The following ZDHHC5 variants were observed in gnomAD, a reference collection of about 807,000 sequenced individuals.
ZDHHC5 encodes palmitoyltransferase ZDHHC5.
In ZDHHC5, 22 loss-of-function variants were observed where a neutral mutation model predicts 70.0. The ratio of observed to expected loss-of-function variants is 0.31; its 90% CI spans 0.22 to 0.45. The LOEUF is 0.45. ZDHHC5 is among the 20% of genes least tolerant of loss of function. The probability of loss-of-function intolerance (pLI) is 1.00; values close to 1 mark genes in which losing one functional copy is unlikely to be tolerated. For synonymous variants in ZDHHC5, 313 were observed against 347.8 expected (o/e 0.90, Z 1.11); for missense variants, 746 against 926.9 (o/e 0.80, Z 2.53).
At chr11:57,675,798 G>C (rs755729118) in intron 2 of ZDHHC5, among the ~76,000 whole-genome samples, 2 of 152,212 alleles carry the variant, frequency 1.3e-5, no homozygotes, top group South Asian at 4.1e-4. Flanking sequence ...AGGCACCACT[G>C]TTCTTAAAAA....
intron 9 of ZDHHC5, 31 bp downstream of exon 9, chr11:57,696,074 G>C (rs780651593): frequency 1.9e-6 from 3 of 1,597,598 alleles, no homozygotes; most frequent in Non-Finnish European, 2.6e-6. Flanking sequence ...CAAGATACTA[G>C]AACTAGGGGC....
intron 6 of ZDHHC5, among the ~76,000 whole-genome samples, chr11:57,691,462 G>T (rs1160163504): frequency 6.6e-6 from 1 of 152,086 alleles, no homozygotes; most frequent in Non-Finnish European, 1.5e-5. Flanking sequence ...CTCCCAAAGT[G>T]CAGGGATTAC....
At position 57,680,523 on chromosome 11, in the gene ZDHHC5, G is replaced by A. The variant is rs118158354; in HGVS notation, c.105-1899G>A. Among the ~76,000 whole-genome samples, 191 of 152,320 alleles carry A rather than the reference G, an allele frequency of 1.3e-3. 3 individuals carry two copies. In the East Asian group the frequency reaches 0.034, roughly 27 times the overall value. ...TTTCAGAAGCTCAAGAGGCCACAGT[G>A]GCCAGTTGTAGGAATGAGACTTTTA... On this transcript the variant is annotated intron_variant, in intron 2 of 11. Coordinates refer to ENST00000287169, the MANE Select transcript of ZDHHC5 (RefSeq NM_015457.3).
chr11:57,699,451 A>G (rs1946411145), intron 11 of ZDHHC5, 33 bp downstream of exon 11: 1 of 1,519,666 alleles, frequency 6.6e-7, no homozygotes, highest in Admixed American at 2.2e-5. Context: ...CCCTTAGCCA[A>G]TTTCAAATTA....
Position 57,690,222 on chromosome 11 carries a change from T to C in ZDHHC5, c.557+19T>C. On this transcript the variant is annotated intron_variant, in intron 5 of 11. Transcript: ENST00000287169. ...CTGTCACGTATCCTTCAAGGCCTTT[T>C]AGATTGTGGGATTGGAAGGGGGAGG... is the stretch of plus-strand genomic sequence containing the variant. 6.2e-7 allele frequency: 1 copy of C among 1,613,254 alleles called. No homozygotes were observed. The highest frequency in any genetic ancestry group is 8.5e-7 in the Non-Finnish European group (1 of 1,179,358).
intron 4 of ZDHHC5, among the ~76,000 whole-genome samples, chr11:57,689,716 T>G (rs574996780): frequency 4.7e-4 from 71 of 149,868 alleles, no homozygotes; most frequent in African/African-American, 1.6e-3. Flanking sequence ...GGGGTCTTGC[T>G]ATGTTGCCCA....
intron 2 of ZDHHC5, among the ~76,000 whole-genome samples, chr11:57,678,716 A>G (rs1006950539): frequency 6.6e-6 from 1 of 152,080 alleles, no homozygotes; most frequent in African/African-American, 2.4e-5. Context: ...TGTCTCTACA[A>G]AAAATAAGCA....
chr11:57,677,107 G>C (rs1426033499), intron 2 of ZDHHC5, among the ~76,000 whole-genome samples: 1 of 150,938 alleles, frequency 6.6e-6, no homozygotes, highest in African/African-American at 2.4e-5. Flanking sequence ...ATTTTTAGTA[G>C]AGAAGGGGTT....
intron 3 of ZDHHC5, among the ~76,000 whole-genome samples, chr11:57,684,890 TA>T (rs762038239): frequency 6.6e-6 from 1 of 152,046 alleles, no homozygotes; most frequent in East Asian, 1.9e-4. Flanking sequence ...GCTCACATCT[TA>T]ATCCCAGCAC....
intron 10 of ZDHHC5, among the ~76,000 whole-genome samples, chr11:57,697,155 C>T (rs1403987513): frequency 6.6e-6 from 1 of 151,542 alleles, no homozygotes; most frequent in African/African-American, 2.4e-5. Flanking sequence ...GTGGTGAAAC[C>T]CCATCTCTAC....
chr11:57,671,638 A>G (rs976728757), intron 1 of ZDHHC5, among the ~76,000 whole-genome samples: 1 of 152,232 alleles, frequency 6.6e-6, no homozygotes, highest in Non-Finnish European at 1.5e-5. Context: ...CACTATAACA[A>G]TAAACACTCT....
At position 57,672,075 on chromosome 11, in the gene ZDHHC5, AAGAT is replaced by A. The variant is rs569612428; in HGVS notation, c.-1014_-1011del. The A allele has an allele frequency of 4.4e-4, 174 of 393,230 alleles. No individual in the cohort carries two copies. Among genetic ancestry groups the A allele is most frequent in the Non-Finnish European group, 6.8e-4 (151 of 223,302 alleles). The allele number at this position is 393,230 out of a possible 1,614,324, so 24.4% of individuals were successfully genotyped here. A position where few individuals can be genotyped will look rare whatever the true frequency, so the allele number is the denominator to read the frequency against. On this transcript the variant is annotated 5_prime_UTR_variant, in exon 2 of 12. Coordinates refer to ENST00000287169, the MANE Select transcript of ZDHHC5 (RefSeq NM_015457.3). ...CATCTGGAAAGCTGAAGACTGAAGA[AAGAT>A]AAGAGACATTGACTAGTCTGGAAAC...
intron 2 of ZDHHC5, among the ~76,000 whole-genome samples, chr11:57,678,246 T>G (rs1037766484): frequency 2.0e-5 from 3 of 152,176 alleles, no homozygotes; most frequent in Non-Finnish European, 2.9e-5. Flanking sequence ...ATGATGGTGA[T>G]AGTTAATAAT....
Position 57,695,928 on chromosome 11 carries a change from A to G in ZDHHC5, c.894A>G (p.Gly298=). 6.2e-7 allele frequency: 1 copy of G among 1,613,744 alleles called. No individual in the cohort carries two copies. The highest frequency in any genetic ancestry group is 1.1e-5 in the South Asian group (1 of 90,998). ...QGELRRTKSK[G]SLEITESQSA... is the part of the protein sequence containing the mutation. Reference sequence around the variant, plus strand: ...TCCCTTCATCAATCCAGTCTAAGGGAAGCCTGGAGATAACAGAGAGCCAGT... The same window carrying G: ...TCCCTTCATCAATCCAGTCTAAGGGGAGCCTGGAGATAACAGAGAGCCAGT... The change falls in exon 9 of 12, where the codon GGA becomes GGG. Residue 298 remains glycine (G), a synonymous_variant. Coordinates refer to ENST00000287169, the MANE Select transcript of ZDHHC5 (RefSeq NM_015457.3).
chr11:57,669,652 T>C (rs1256469570), intron 1 of ZDHHC5, among the ~76,000 whole-genome samples: 1 of 152,170 alleles, frequency 6.6e-6, no homozygotes, highest in African/African-American at 2.4e-5. Flanking sequence ...AGAGACAGGG[T>C]TTTGGTATGT....
In ZDHHC5 at chr11:57,693,944, T is replaced by C. The variant is rs1946317854; in HGVS notation, c.885+29T>C. 3 of 1,591,396 alleles carry C rather than the reference T, an allele frequency of 1.9e-6. No individual in the cohort carries two copies. The East Asian group carries it at 6.7e-5, about 36-fold the overall frequency. The stretch of plus-strand genomic sequence containing the variant: ...AGGAATTTAGAGAAGTCAAGCTAGA[T>C]AACATGGAAGTCTCACCCAAGGCAA... On this transcript the variant is annotated intron_variant, in intron 8 of 11. Coordinates refer to ENST00000287169, the MANE Select transcript of ZDHHC5 (RefSeq NM_015457.3).
chr11:57,687,229 T>C (rs2135392816), intron 3 of ZDHHC5, among the ~76,000 whole-genome samples: 1 of 147,878 alleles, frequency 6.8e-6, no homozygotes, highest in South Asian at 2.1e-4. Flanking sequence ...AATTCCACAC[T>C]ATCATCTATT....
intron 10 of ZDHHC5, 152 bp from the exon 11 acceptor site, chr11:57,698,407 G>C: frequency 8.8e-7 from 1 of 1,132,336 alleles, no homozygotes; most frequent in Non-Finnish European, 1.2e-6. Context: ...CCTGAATTCA[G>C]TTTTTCTTGA....
Position 57,696,849 on chromosome 11 carries a change from C to T in ZDHHC5, c.1098C>T (p.Ala366=), listed in dbSNP as rs1282588954. The part of the protein sequence containing the change: ...PGYSSSSTSA[A]MPHSSSAKLS... ...ACAGTAGCAGCAGTACGTCAGCTGC[C>T]ATGCCGCATTCCTCCAGCGCCAAGG... Residue 366 remains alanine, a synonymous_variant, in exon 10 of 12, where the codon GCC becomes GCT. Transcript: ENST00000287169. The T allele has an allele frequency of 3.7e-6, 6 of 1,613,982 alleles. No individual in the cohort carries two copies. The Admixed American group carries it at 8.3e-5, about 22-fold the overall frequency.
Sources: allele counts gnomAD v4.1 joint callset (sites outside exome capture counted in the v4.1 genomes callset), GRCh38; gene constraint gnomAD v4.1.1; transcripts MANE v1.5; gene names NCBI Gene and HGNC (gene_info 2026-07-23, HGNC 2026-07-21).